Variants in DPYD observed in about 807,000 individuals in gnomAD.
DPYD encodes the protein dihydropyrimidine dehydrogenase, also known as dihydropyrimidine dehydrogenase [NADP(+)].
In DPYD, 109 loss-of-function variants were observed where a neutral mutation model predicts 116.2. The ratio of observed to expected loss-of-function variants is 0.94; its 90% CI spans 0.80 to 1.10. The LOEUF (loss-of-function observed/expected upper bound fraction) is 1.10. Among genes scored for constraint, DPYD ranks in the 50% least tolerant of loss-of-function variants. DPYD has a pLI of 0.00. For missense variants in DPYD, 1,302 were observed against 1,254.5 expected, an observed-to-expected ratio of 1.04 and a Z score of -0.57; for synonymous variants, 440 against 432.0, an observed-to-expected ratio of 1.02 and a Z score of -0.23.
Position 97,450,184 on chromosome 1 carries a change from T to A in DPYD, c.1780A>T (p.Thr594Ser). ...GGGCCATACATGGGGCCAGAGGTGG[T>A]TCCCCGGATGATTCTGGGGGAAACA... The part of the protein sequence containing the change: ...TNVSPRIIRG[T>S]TSGPMYGPGQ... The change falls in exon 14 of 23, where the codon ACC becomes TCC. Residue 594 changes from threonine (T) to serine (S), a missense_variant. Transcript: ENST00000370192. 1 of 1,613,798 alleles carries A rather than the reference T, an allele frequency of 6.2e-7. No homozygotes were observed.
At chr1:97,704,621 A>G (rs910046708) in intron 5 of DPYD, among the ~76,000 whole-genome samples, 7 of 152,170 alleles carry the variant, frequency 4.6e-5, no homozygotes, top group African/African-American at 1.7e-4. Flanking sequence ...TACATAAAAG[A>G]TATTATTAGG....
At chr1:97,511,687 G>C (rs1647812609) in intron 13 of DPYD, among the ~76,000 whole-genome samples, 1 of 151,834 alleles carries the variant, frequency 6.6e-6, no homozygotes, top group South Asian at 2.1e-4. Flanking sequence ...AGTCATACAG[G>C]TTATATTGCC....
At chr1:97,520,554 C>T (rs923922738) in intron 12 of DPYD, among the ~76,000 whole-genome samples, 1 of 152,044 alleles carries the variant, frequency 6.6e-6, no homozygotes, top group African/African-American at 2.4e-5. Flanking sequence ...ACATAGGATG[C>T]TATGGTGGTT....
chr1:97,086,793 A>G (rs540892341), intron 21 of DPYD, among the ~76,000 whole-genome samples: 1 of 152,322 alleles, frequency 6.6e-6, no homozygotes, highest in South Asian at 2.1e-4. Context: ...GTAGGTCAGG[A>G]CTGTCTGCAC....
intron 7 of DPYD, among the ~76,000 whole-genome samples, chr1:97,687,086 C>T (rs1034990376): frequency 2.6e-5 from 4 of 152,110 alleles, no homozygotes; most frequent in Non-Finnish European, 4.4e-5. Context: ...GCCTGGCCAA[C>T]ATGGTAAAAT....
intron 8 of DPYD, among the ~76,000 whole-genome samples, chr1:97,606,770 T>C (rs1432437326): frequency 6.6e-6 from 1 of 151,836 alleles, no homozygotes; most frequent in Non-Finnish European, 1.5e-5. Flanking sequence ...TTGCAGAAAA[T>C]AAGAATGGAA....
intron 18 of DPYD, among the ~76,000 whole-genome samples, chr1:97,271,807 T>G (rs981143188): frequency 2.0e-5 from 3 of 152,136 alleles, no homozygotes; most frequent in African/African-American, 7.2e-5. Context: ...TGGAAGGACT[T>G]CCACACTTTG....
intron 16 of DPYD, among the ~76,000 whole-genome samples, chr1:97,361,052 C>T (rs149004577): frequency 0.02 from 3,009 of 151,854 alleles, 44 homozygotes; most frequent in Middle Eastern, 0.075. Flanking sequence ...ATTGATAGAA[C>T]GCTAGCAAGA....
chr1:97,843,017 A>G (rs927384344), intron 2 of DPYD, among the ~76,000 whole-genome samples: 2 of 152,094 alleles, frequency 1.3e-5, no homozygotes, highest in African/African-American at 2.4e-5. Context: ...TCTTTCTCTT[A>G]TAAGAACCCT....
At chr1:97,777,597 T>G (rs1369964600) in intron 3 of DPYD, among the ~76,000 whole-genome samples, 1 of 152,180 alleles carries the variant, frequency 6.6e-6, no homozygotes, top group Non-Finnish European at 1.5e-5. Context: ...CCATTTCTTA[T>G]CTAGTTTTAT....
intron 14 of DPYD, among the ~76,000 whole-genome samples, chr1:97,425,391 A>C (rs1305068209): frequency 6.6e-6 from 1 of 152,048 alleles, no homozygotes; most frequent in Non-Finnish European, 1.5e-5. Context: ...AAAACCATCA[A>C]AGTAGACCAA....
At chr1:97,593,467 A>G in intron 9 of DPYD, 80 bp from the exon 10 acceptor site, 1 of 1,546,658 alleles carries the variant, frequency 6.5e-7, no homozygotes. Context: ...TTGTACTCAA[A>G]GCAGTGTAAA....
At position 97,667,841 on chromosome 1, in the gene DPYD, C is replaced by T. The variant is rs552772179; in HGVS notation, c.850+11254G>A. 2.0e-5 allele frequency among the ~76,000 whole-genome samples: 3 copies of T among 152,056 alleles called. No homozygotes were observed. In the East Asian group the frequency reaches 5.8e-4, roughly 29 times the overall value. Reference sequence around the variant, plus strand: ...TGTCCATTGATTGATTAATGTTAAACAAAATGTGATATATACATAAAAAAT... The same window carrying T: ...TGTCCATTGATTGATTAATGTTAAATAAAATGTGATATATACATAAAAAAT... On this transcript the variant is annotated intron_variant, in intron 8 of 22. Transcript: ENST00000370192.
rs140632689 is a variant in DPYD at position 97,118,614 on chromosome 1, G to A, written c.2623-19982C>T. Among the ~76,000 whole-genome samples the A allele has an allele frequency of 4.2e-3, 645 of 152,204 alleles. 4 individuals carry two copies. The highest frequency in any genetic ancestry group is 0.015 in the African/African-American group (606 of 41,544). The stretch of plus-strand genomic sequence containing the variant: ...CAGTGCCCATTGAAGAGTACTGAAC[G>A]TGGAATCAATACTCAATAAGGAGAT... On this transcript the variant is annotated intron_variant, in intron 20 of 22. Coordinates refer to ENST00000370192, the MANE Select transcript of DPYD (RefSeq NM_000110.4).
intron 8 of DPYD, among the ~76,000 whole-genome samples, chr1:97,619,566 T>C (rs566246934): frequency 2.1e-4 from 32 of 152,174 alleles, no homozygotes; most frequent in Non-Finnish European, 4.3e-4. Flanking sequence ...CACCCTTTTA[T>C]CAATGCAAGG....
At chr1:97,271,601 C>G (rs909051333) in intron 18 of DPYD, among the ~76,000 whole-genome samples, 2 of 152,166 alleles carry the variant, frequency 1.3e-5, no homozygotes, top group African/African-American at 4.8e-5. Flanking sequence ...TCTCCACATT[C>G]TGCCGATATT....
intron 13 of DPYD, among the ~76,000 whole-genome samples, chr1:97,476,786 C>T (rs544571745): frequency 6.6e-6 from 1 of 151,938 alleles, no homozygotes; most frequent in Non-Finnish European, 1.5e-5. Flanking sequence ...GGAGATGCTG[C>T]AGGTTCAGTT....
chr1:97,618,916 C>T (rs532821835), intron 8 of DPYD, among the ~76,000 whole-genome samples: 2 of 151,966 alleles, frequency 1.3e-5, no homozygotes, highest in Non-Finnish European at 2.9e-5. Context: ...AATAATAATG[C>T]ACCAGAAACA....
chr1:97,218,269 CCTT>C (rs1660547217), intron 19 of DPYD, among the ~76,000 whole-genome samples: 1 of 151,908 alleles, frequency 6.6e-6, no homozygotes, highest in African/African-American at 2.4e-5. Context: ...CACTTGTAAT[CCTT>C]AAATTTACAC....
Sources: allele counts gnomAD v4.1 joint callset (sites outside exome capture counted in the v4.1 genomes callset), GRCh38; gene constraint gnomAD v4.1.1; transcripts MANE v1.5; gene names NCBI Gene and HGNC (gene_info 2026-07-23, HGNC 2026-07-21).